KIF18A: variants seen among roughly 807,000 people sequenced by gnomAD.
KIF18A encodes the protein kinesin-like protein KIF18A.
KIF18A carries 67 observed loss-of-function variants against 103.3 expected under a neutral mutation model. That is an observed-to-expected ratio of 0.65 (90% CI 0.53 to 0.79). The LOEUF (loss-of-function observed/expected upper bound fraction) is 0.79, where lower values mean the gene tolerates loss of function less well. KIF18A is among the 30% of genes least tolerant of loss of function. The pLI, the probability that KIF18A is intolerant of heterozygous loss-of-function variation, is 0.00. For missense variants in KIF18A, 1,032 were observed against 1,062.5 expected (o/e 0.97, Z 0.40); for synonymous variants, 367 against 355.5 (o/e 1.03, Z -0.36).
chr11:28,058,572 G>A (rs1272153457), intron 13 of KIF18A, among the ~76,000 whole-genome samples: 1 of 140,726 alleles, frequency 7.1e-6, no homozygotes, highest in African/African-American at 2.6e-5. Flanking sequence ...TGAAGTGGAA[G>A]GATTGCTAGA....
chr11:28,062,783 G>A (rs1850872103), intron 11 of KIF18A, among the ~76,000 whole-genome samples: 1 of 151,968 alleles, frequency 6.6e-6, no homozygotes, highest in Non-Finnish European at 1.5e-5. Context: ...TATCCAACTT[G>A]TTCACAATGT....
chr11:28,075,632 G>T (rs979723820), intron 10 of KIF18A, among the ~76,000 whole-genome samples: 3 of 151,874 alleles, frequency 2.0e-5, no homozygotes, highest in Admixed American at 1.3e-4. Context: ...GATTGCTCTA[G>T]TATCTAAAGA....
intron 5 of KIF18A, among the ~76,000 whole-genome samples, chr11:28,089,100 T>G (rs1476438219): frequency 6.6e-6 from 1 of 152,224 alleles, no homozygotes; most frequent in Admixed American, 6.5e-5. Context: ...ATGCCTTGTA[T>G]GTATCTAGAG....
intron 6 of KIF18A, among the ~76,000 whole-genome samples, chr11:28,085,783 A>AT (rs1331885310): frequency 6.6e-6 from 1 of 151,912 alleles, no homozygotes; most frequent in Admixed American, 6.6e-5. Flanking sequence ...TTGTGTCTTT[A>AT]TTTATTACAA....
At chr11:28,034,921 G>C (rs995968236) in intron 15 of KIF18A, among the ~76,000 whole-genome samples, 1 of 151,458 alleles carries the variant, frequency 6.6e-6, no homozygotes, top group Non-Finnish European at 1.5e-5. Context: ...GTTCTTGATA[G>C]GTAGCTTGGT....
chr11:28,078,517 T>G (rs1246651496), intron 9 of KIF18A, among the ~76,000 whole-genome samples: 1 of 152,082 alleles, frequency 6.6e-6, no homozygotes, highest in Non-Finnish European at 1.5e-5. Context: ...GTATCAAAGG[T>G]TTCTAGAGAG....
chr11:28,060,190 T>G (rs1850840683), intron 12 of KIF18A, among the ~76,000 whole-genome samples: 1 of 152,188 alleles, frequency 6.6e-6, no homozygotes, highest in East Asian at 1.9e-4. Flanking sequence ...ACTCAATCAG[T>G]GGTTCCCAAA....
intron 11 of KIF18A, among the ~76,000 whole-genome samples, chr11:28,065,458 G>A (rs929170915): frequency 2.0e-5 from 3 of 151,958 alleles, no homozygotes; most frequent in African/African-American, 7.2e-5. Context: ...TCAATTCCAG[G>A]TTCACATTCA....
At position 28,090,713 on chromosome 11, in the gene KIF18A, T is replaced by A. The variant is rs1455802853; in HGVS notation, c.603A>T (p.Glu201Asp). Residue 201 changes from glutamate to aspartate, a missense_variant, in exon 5 of 17, where the codon GAA becomes GAT. Transcript: ENST00000263181. ...CATTATCCAATAAATGTAAAATTTC[T>A]TCTGAGGATTTGGGCTGGAGAAGTT... ...GLTLHQPKSSEEILHLLDNGN... is the reference protein window; with the variant it reads ...GLTLHQPKSSDEILHLLDNGN... The A allele has an allele frequency of 1.3e-6, 2 of 1,598,186 alleles. No homozygotes were observed. Among genetic ancestry groups the A allele is most frequent in the Non-Finnish European group, 1.7e-6 (2 of 1,166,876 alleles).
At chr11:28,040,773 A>G (rs1774325539) in intron 13 of KIF18A, among the ~76,000 whole-genome samples, 1 of 151,706 alleles carries the variant, frequency 6.6e-6, no homozygotes, top group Non-Finnish European at 1.5e-5. Context: ...GTGGGTAGCA[A>G]TGTATGTTAT....
intron 13 of KIF18A, among the ~76,000 whole-genome samples, chr11:28,047,972 G>A (rs1850660332): frequency 6.6e-6 from 1 of 152,132 alleles, no homozygotes; most frequent in South Asian, 2.1e-4. Flanking sequence ...GTATGTGTAT[G>A]TATGTATGTC....
At chr11:28,072,150 A>C (rs553144685) in intron 10 of KIF18A, among the ~76,000 whole-genome samples, 2 of 152,302 alleles carry the variant, frequency 1.3e-5, no homozygotes, top group African/African-American at 4.8e-5. Context: ...CATTAGAGTG[A>C]AATGTTTCCC....
At chr11:28,048,706 T>C (rs1681632239) in intron 13 of KIF18A, among the ~76,000 whole-genome samples, 2 of 151,884 alleles carry the variant, frequency 1.3e-5, no homozygotes, top group African/African-American at 4.8e-5. Context: ...GTGAAAGGAA[T>C]AAAAAACTTA....
intron 10 of KIF18A, among the ~76,000 whole-genome samples, chr11:28,071,651 G>A (rs1369376513): frequency 6.6e-6 from 1 of 151,830 alleles, no homozygotes; most frequent in Non-Finnish European, 1.5e-5. Context: ...GCTCTTTGAA[G>A]TCCTAAATAA....
chr11:28,023,936 A>C (rs1850279105), intron 15 of KIF18A, 86 bp from the exon 16 acceptor site: 1 of 567,350 alleles, frequency 1.8e-6, no homozygotes, highest in East Asian at 3.1e-5. Flanking sequence ...ACAATGATTA[A>C]AGAAATAAAA....
intron 15 of KIF18A, among the ~76,000 whole-genome samples, chr11:28,031,810 G>T (rs1850413845): frequency 6.6e-6 from 1 of 151,884 alleles, no homozygotes; most frequent in Non-Finnish European, 1.5e-5. Flanking sequence ...TCTCTAAGTT[G>T]TGGAACATGA....
chr11:28,070,470 C>G (rs974250350), intron 10 of KIF18A, among the ~76,000 whole-genome samples: 1 of 152,092 alleles, frequency 6.6e-6, no homozygotes, highest in Non-Finnish European at 1.5e-5. Context: ...AAGGGAAATA[C>G]AAGAGTCAGA....
rs1851238716 is a variant in KIF18A at position 28,087,114 on chromosome 11, C to T, written c.897+1410G>A. Among the ~76,000 whole-genome samples the T allele has an allele frequency of 2.6e-5, 4 of 152,248 alleles. No individual in the cohort carries two copies. The South Asian group carries it at 8.3e-4, about 32-fold the overall frequency. On this transcript the variant is annotated intron_variant, in intron 6 of 16. Transcript: ENST00000263181. ...TAATTATATTTTAAGTTCTGGGATA[C>T]ATGTGCAGAACGTGCAGGTTTCTTA...
intron 13 of KIF18A, among the ~76,000 whole-genome samples, chr11:28,043,168 A>G (rs1197365330): frequency 2.6e-5 from 4 of 151,902 alleles, no homozygotes; most frequent in Non-Finnish European, 5.9e-5. Context: ...CAGTTGTTTC[A>G]GTGCAGAAAA....
Sources: gnomAD v4.1 joint callset for allele counts (sites outside exome capture counted in the v4.1 genomes callset) on GRCh38, gnomAD v4.1.1 for gene constraint, MANE v1.5 for transcripts, NCBI Gene and HGNC (gene_info 2026-07-23, HGNC 2026-07-21) for gene names.